GCH1: variants seen among roughly 807,000 people sequenced by gnomAD.
GCH1 encodes the protein GTP cyclohydrolase 1.
A neutral mutation model predicts 25.9 loss-of-function variants in GCH1; 5 were observed. The ratio of observed to expected loss-of-function variants is 0.19; its 90% confidence interval spans 0.10 to 0.41. The LOEUF is 0.41. GCH1 is among the 10% of genes least tolerant of loss of function. The pLI is 1.00. For missense variants in GCH1, 261 were observed against 336.5 expected (o/e 0.78, Z 1.75); for synonymous variants, 159 against 129.6 (o/e 1.23, Z -1.54).
At position 54,844,692 on chromosome 14, in the gene GCH1, C is replaced by T. The variant is rs566051609; in HGVS notation, c.627-549G>A. Among the ~76,000 whole-genome samples, 7 of 152,338 alleles carry T rather than the reference C, an allele frequency of 4.6e-5. No homozygotes were observed. The East Asian group carries it at 5.8e-4, about 13-fold the overall frequency. On this transcript the variant is annotated intron_variant, in intron 5 of 5. Transcript: ENST00000491895. Reference sequence around the variant, plus strand: ...CAGACATAGAACAGAGTTCACACCACGTCACAGAACACATATGAACTTTGT... The same window carrying T: ...CAGACATAGAACAGAGTTCACACCATGTCACAGAACACATATGAACTTTGT...
intron 3 of GCH1, among the ~76,000 whole-genome samples, chr14:54,850,309 T>TA (rs1439379944): frequency 2.7e-5 from 4 of 147,820 alleles, no homozygotes; most frequent in Non-Finnish European, 6.0e-5. Context: ...TAGGTTCTTT[T>TA]TTTTTTTTTT....
chr14:54,882,047 G>A (rs1435819473), intron 1 of GCH1, among the ~76,000 whole-genome samples: 3 of 152,198 alleles, frequency 2.0e-5, no homozygotes, highest in African/African-American at 4.8e-5. Context: ...AATATTCATG[G>A]AAGTTTATCG....
At position 54,902,656 on chromosome 14, in the gene GCH1, T is replaced by C; in HGVS notation, c.8A>G (p.Lys3Arg). 1 of 1,471,132 alleles carries C rather than the reference T, an allele frequency of 6.8e-7. No individual in the cohort carries two copies. The highest frequency in any genetic ancestry group is 2.4e-5 in the Admixed American group (1 of 42,054). 91.1% of individuals were successfully genotyped at this position (1,471,132 alleles called of 1,614,324 possible). Residue 3 changes from lysine (K) to arginine (R), a missense_variant, in exon 1 of 6, where the codon AAG becomes AGG. By Grantham distance (26) the Lys-to-Arg change is conservative (BLOSUM62 2). Transcript: ENST00000491895. The stretch of plus-strand genomic sequence containing the variant: ...CTCCGCCGGTGCCCGCACAGGGCCC[T>C]TCTCCATGGACCCGCCGCAGCCGCT... ME[K>R]GPVRAPAEKP... is the part of the protein sequence containing the mutation.
At chr14:54,867,134 AC>A (rs757182954) in intron 1 of GCH1, among the ~76,000 whole-genome samples, 16 of 152,250 alleles carry the variant, frequency 1.1e-4, no homozygotes, top group Non-Finnish European at 2.4e-4. Flanking sequence ...GGAAGGAAAA[AC>A]AAACCAAAAA....
chr14:54,849,455 G>A (rs1387690675), intron 3 of GCH1, among the ~76,000 whole-genome samples: 1 of 152,184 alleles, frequency 6.6e-6, no homozygotes, highest in Non-Finnish European at 1.5e-5. Flanking sequence ...CAGTATTGCT[G>A]TTGGCAAACC....
chr14:54,881,286 C>T (rs897120963), intron 1 of GCH1, among the ~76,000 whole-genome samples: 3 of 151,866 alleles, frequency 2.0e-5, no homozygotes, highest in Non-Finnish European at 2.9e-5. Context: ...ACAGGAAGAC[C>T]CAGCCAGCTT....
At chr14:54,850,940 C>T (rs1050058925) in intron 3 of GCH1, among the ~76,000 whole-genome samples, 16 of 152,160 alleles carry the variant, frequency 1.1e-4, no homozygotes, top group Admixed American at 5.9e-4. Context: ...AATAAACATA[C>T]GTGTGCATGT....
chr14:54,847,149 T>C lies in GCH1; in HGVS notation c.510-19A>G, dbSNP rs778122258. 2.1e-6 allele frequency: 2 copies of C among 932,938 alleles called. No individual in the cohort carries two copies. The highest frequency in any genetic ancestry group is 3.3e-5 in the African/African-American group (2 of 61,256). 57.8% of individuals were successfully genotyped at this position (932,938 alleles called of 1,614,324 possible). A position where few individuals can be genotyped will look rare whatever the true frequency, so the allele number is the denominator to read the frequency against. On this transcript the variant is annotated intron_variant, in intron 3 of 5. Transcript: ENST00000491895. ...TACAATCCTAGAAAAGAAAGAATTG[T>C]TTTAGTTAATCACAAATCATTTGAA...
At chr14:54,875,624 C>G (rs2040147481) in intron 1 of GCH1, among the ~76,000 whole-genome samples, 1 of 152,032 alleles carries the variant, frequency 6.6e-6, no homozygotes, top group African/African-American at 2.4e-5. Context: ...AACAAATTTA[C>G]AAGAAAAAAA....
At chr14:54,848,508 A>G (rs1197474459) in intron 3 of GCH1, among the ~76,000 whole-genome samples, 1 of 152,202 alleles carries the variant, frequency 6.6e-6, no homozygotes, top group Non-Finnish European at 1.5e-5. Context: ...ATCCATTTGA[A>G]GATGACTATT....
chr14:54,866,766 C>T (rs1372910225), intron 1 of GCH1, among the ~76,000 whole-genome samples: 1 of 152,090 alleles, frequency 6.6e-6, no homozygotes, highest in Non-Finnish European at 1.5e-5. Flanking sequence ...GTTATTACCC[C>T]AAGTCAGGCT....
rs550404006 is a variant in GCH1, at chr14:54,867,205, G to A, written c.344-1769C>T. Among the ~76,000 whole-genome samples the A allele has an allele frequency of 3.3e-5, 5 of 152,270 alleles. No individual in the cohort carries two copies. The East Asian group carries it at 5.8e-4, about 18-fold the overall frequency. ...AATATAGGAAGCATTTGTTTTCTCT[G>A]GCAAAGAATGAGAGCGTCCCCATCC... On this transcript the variant is annotated intron_variant, in intron 1 of 5. Coordinates refer to ENST00000491895, the MANE Select transcript of GCH1 (RefSeq NM_000161.3).
chr14:54,900,578 TTC>T (rs1483272245), intron 1 of GCH1, among the ~76,000 whole-genome samples: 6 of 152,158 alleles, frequency 3.9e-5, no homozygotes, highest in African/African-American at 1.4e-4. Flanking sequence ...TAAATGAATC[TTC>T]GCTCATGAGA....
rs180896343 is a variant in GCH1, at chr14:54,864,207, T to C, written c.453+1120A>G. On this transcript the variant is annotated intron_variant, in intron 2 of 5. Coordinates refer to ENST00000491895, the MANE Select transcript of GCH1 (RefSeq NM_000161.3). ...AAGTGGTAAGGAACACCCTTAAGTT[T>C]TATGCATTTTCTATCTATATATTAT... 3.5e-3 allele frequency among the ~76,000 whole-genome samples: 529 copies of C among 152,204 alleles called. 3 individuals are homozygous for C. Among genetic ancestry groups the C allele is most frequent in the African/African-American group, 0.012 (482 of 41,534 alleles).
At chr14:54,868,421 T>C (rs2040019176) in intron 1 of GCH1, among the ~76,000 whole-genome samples, 1 of 151,992 alleles carries the variant, frequency 6.6e-6, no homozygotes, top group Admixed American at 6.6e-5. Context: ...TGTCTCTATT[T>C]TTTAAGTGTT....
At chr14:54,850,185 G>A (rs1397495631) in intron 3 of GCH1, among the ~76,000 whole-genome samples, 1 of 152,044 alleles carries the variant, frequency 6.6e-6, no homozygotes, top group Non-Finnish European at 1.5e-5. Context: ...TGTTGGCCAG[G>A]CCGGTCTTGA....
intron 1 of GCH1, among the ~76,000 whole-genome samples, chr14:54,865,833 ATC>A (rs1361963540): frequency 6.6e-6 from 1 of 152,202 alleles, no homozygotes; most frequent in Non-Finnish European, 1.5e-5. Context: ...AGAAAACCAT[ATC>A]TGAGAAAAAG....
chr14:54,901,725 G>A (rs2040568361), intron 1 of GCH1, among the ~76,000 whole-genome samples: 1 of 151,882 alleles, frequency 6.6e-6, no homozygotes, highest in Admixed American at 6.5e-5. Flanking sequence ...AAATTGTGCC[G>A]AATTTTGTAA....
chr14:54,845,108 G>C (rs1391042254), intron 5 of GCH1, among the ~76,000 whole-genome samples: 1 of 152,092 alleles, frequency 6.6e-6, no homozygotes, highest in East Asian at 1.9e-4. Context: ...GGGAGGCAGA[G>C]GTTGCAGTGA....
Sources: allele counts gnomAD v4.1 joint callset (sites outside exome capture counted in the v4.1 genomes callset), GRCh38; gene constraint gnomAD v4.1.1; transcripts MANE v1.5; gene names NCBI Gene and HGNC (gene_info 2026-07-23, HGNC 2026-07-21).